The following TEAD4 variants were observed in gnomAD, a reference collection of about 807,000 sequenced individuals.
TEAD4 encodes the protein transcriptional enhancer factor TEF-3.
TEAD4 carries 36 observed loss-of-function variants against 52.4 expected under a neutral mutation model. The observed-to-expected ratio is 0.69, with a 90% confidence interval of 0.53 to 0.91. The LOEUF is 0.91. Ranked by LOEUF, TEAD4 falls within the 40% of genes least tolerant of loss-of-function variation. TEAD4 has a pLI of 0.00. For missense variants in TEAD4, 508 were observed against 583.9 expected (o/e 0.87, Z 1.34); for synonymous variants, 220 against 231.0 (o/e 0.95, Z 0.43).
intron 4 of TEAD4, among the ~76,000 whole-genome samples, chr12:3,011,798 TG>T (rs1379490747): frequency 3.3e-5 from 5 of 152,168 alleles, no homozygotes; most frequent in Non-Finnish European, 5.9e-5. Context: ...TCCGAGTAGC[TG>T]GAATTACAGG....
chr12:2,979,782 A>C (rs765767680), intron 2 of TEAD4, among the ~76,000 whole-genome samples: 1 of 152,138 alleles, frequency 6.6e-6, no homozygotes, highest in African/African-American at 2.4e-5. Context: ...CCATCTCCCA[A>C]CATTCTTGTG....
At chr12:3,036,113 G>A (rs2098279277) in intron 10 of TEAD4, among the ~76,000 whole-genome samples, 1 of 152,174 alleles carries the variant, frequency 6.6e-6, no homozygotes, top group South Asian at 2.1e-4. Context: ...TGTTTCAGAG[G>A]CTGAGCATTG....
intron 3 of TEAD4, among the ~76,000 whole-genome samples, chr12:3,008,546 G>T (rs967022668): frequency 3.3e-5 from 5 of 152,182 alleles, no homozygotes; most frequent in Non-Finnish European, 7.3e-5. Flanking sequence ...GTTGAGCATA[G>T]ACTTGGAGCA....
At chr12:2,962,807 A>G (rs991768844) in intron 2 of TEAD4, among the ~76,000 whole-genome samples, 3 of 152,158 alleles carry the variant, frequency 2.0e-5, no homozygotes, top group African/African-American at 7.2e-5. Flanking sequence ...ATGCTCCTAG[A>G]GGGACAGTAA....
intron 2 of TEAD4, among the ~76,000 whole-genome samples, chr12:2,965,861 A>T (rs1284392629): frequency 6.6e-6 from 1 of 152,022 alleles, no homozygotes; most frequent in Non-Finnish European, 1.5e-5. Context: ...TTTTTAAATT[A>T]TCATTATTAT....
At chr12:2,973,852 G>C (rs2098227244) in intron 2 of TEAD4, among the ~76,000 whole-genome samples, 1 of 152,132 alleles carries the variant, frequency 6.6e-6, no homozygotes, top group African/African-American at 2.4e-5. Flanking sequence ...TCTGGAATGG[G>C]AGGCGCGGTA....
chr12:2,994,921 A>T lies in TEAD4; in HGVS notation c.155A>T (p.Gln52Leu). Residue 52 changes from glutamine (Q) to leucine (L), a missense_variant, in exon 3 of 13, where the codon CAG (glutamine) becomes CTG (leucine). Coordinates refer to ENST00000359864, the MANE Select transcript of TEAD4 (RefSeq NM_003213.4). This position sits in a 1 kb window ranked among gnomAD's most constrained non-coding sequence, Gnocchi z 4.7. ...AGCCCGGATATTGAGCAGAGTTTCCAGGAGGCCCTCGCCATCTACCCGCCC... is the reference window on the plus strand; with the variant it reads ...AGCCCGGATATTGAGCAGAGTTTCCTGGAGGCCCTCGCCATCTACCCGCCC... 1 of 1,614,182 alleles carries T rather than the reference A, an allele frequency of 6.2e-7. No individual in the cohort carries two copies. The highest frequency in any genetic ancestry group is 1.3e-5 in the African/African-American group (1 of 75,054).
In TEAD4 at chr12:3,019,099, C is replaced by G. The variant is rs746319853; in HGVS notation, c.528-16C>G. On this transcript the variant is annotated splice_polypyrimidine_tract_variant and intron_variant, in intron 7 of 12. Coordinates refer to ENST00000359864, the MANE Select transcript of TEAD4 (RefSeq NM_003213.4). ...CCTGCCCGAGGCTGACACCTCCCCT[C>G]CTCTCTCTCCCGCAGTGTGAAGCCT... The G allele has an allele frequency of 6.2e-7, 1 of 1,613,976 alleles. No homozygotes were observed. Among genetic ancestry groups the G allele is most frequent in the Non-Finnish European group, 8.5e-7 (1 of 1,179,926 alleles).
Position 2,994,778 on chromosome 12 carries a change from G to A in TEAD4, c.12G>A (p.Thr4=), listed in dbSNP as rs112824104. The change falls in exon 3 of 13, where the codon ACG becomes ACA. Residue 4 remains threonine (T), a synonymous_variant. Transcript: ENST00000359864. This position sits in a 1 kb window ranked among gnomAD's most constrained non-coding sequence, Gnocchi z 4.7. ...CTCCAAGCGGAGCCTTGGAGGGCAC[G>A]GCCGGCACCATTACCTCCAACGAGT... 91 of 1,611,310 alleles carry A rather than the reference G, an allele frequency of 5.6e-5. 2 individuals are homozygous for A. In the South Asian group the frequency reaches 8.5e-4, roughly 15 times the overall value.
intron 10 of TEAD4, among the ~76,000 whole-genome samples, chr12:3,029,152 T>G (rs2098273866): frequency 6.6e-6 from 1 of 152,030 alleles, no homozygotes; most frequent in African/African-American, 2.4e-5. Flanking sequence ...CACTGCAACC[T>G]TGAACTTGGG....
intron 2 of TEAD4, among the ~76,000 whole-genome samples, chr12:2,966,709 C>G (rs552003378): frequency 2.0e-5 from 3 of 151,628 alleles, no homozygotes; most frequent in East Asian, 1.9e-4. Flanking sequence ...CCATGCCCGG[C>G]GTATTTCTTT....
In TEAD4 at chr12:3,022,035, C is replaced by T; in HGVS notation, c.897+18C>T. The stretch of plus-strand genomic sequence containing the variant: ...AGTTCTGGGTAAGCCTGTGATAACC[C>T]CTTCTTTCCTGCCACCAGCGTGTCC... On this transcript the variant is annotated intron_variant, in intron 10 of 12. Coordinates refer to ENST00000359864, the MANE Select transcript of TEAD4 (RefSeq NM_003213.4). The T allele has an allele frequency of 1.2e-6, 2 of 1,612,758 alleles. No homozygotes were observed. Among genetic ancestry groups the T allele is most frequent in the South Asian group, 1.1e-5 (1 of 90,896 alleles).
At chr12:3,030,918 G>A (rs373246059) in intron 10 of TEAD4, among the ~76,000 whole-genome samples, 6 of 152,328 alleles carry the variant, frequency 3.9e-5, no homozygotes, top group African/African-American at 1.2e-4. Context: ...AGGGCAGGAC[G>A]TGGCCAGGGT....
At chr12:3,020,076 C>T (rs1479706076) in intron 8 of TEAD4, among the ~76,000 whole-genome samples, 1 of 152,176 alleles carries the variant, frequency 6.6e-6, no homozygotes, top group Non-Finnish European at 1.5e-5. Context: ...GCCTTCCTGG[C>T]CCCCTGGTGC....
At chr12:2,972,580 A>G (rs1375301753) in intron 2 of TEAD4, among the ~76,000 whole-genome samples, 16 of 132,838 alleles carry the variant, frequency 1.2e-4, no homozygotes, top group African/African-American at 3.8e-4. Context: ...GCTCACTGCA[A>G]CCTCCGCCTC....
chr12:2,985,178 G>A (rs916770304), intron 2 of TEAD4, among the ~76,000 whole-genome samples: 2 of 151,676 alleles, frequency 1.3e-5, no homozygotes, highest in African/African-American at 2.4e-5. Context: ...AGGTCAGGAG[G>A]TCGAGACCAT....
intron 3 of TEAD4, among the ~76,000 whole-genome samples, chr12:3,009,152 G>A (rs2098258210): frequency 6.6e-6 from 1 of 152,282 alleles, no homozygotes; most frequent in African/African-American, 2.4e-5. Flanking sequence ...GCTGGGCTGG[G>A]TGCAGTGGCT....
chr12:2,961,326 A>G (rs1275862595), intron 2 of TEAD4, among the ~76,000 whole-genome samples: 1 of 151,904 alleles, frequency 6.6e-6, no homozygotes, highest in Non-Finnish European at 1.5e-5. Flanking sequence ...AAGAGGAATG[A>G]GTAGCTTGTT....
intron 10 of TEAD4, among the ~76,000 whole-genome samples, chr12:3,028,260 C>T (rs1408483711): frequency 6.6e-6 from 1 of 152,182 alleles, no homozygotes; most frequent in East Asian, 1.9e-4. Context: ...AGGAGTAGTG[C>T]TACTGTGAAC....
Sources: gnomAD v4.1 joint callset for allele counts (sites outside exome capture counted in the v4.1 genomes callset) on GRCh38, gnomAD v4.1.1 for gene constraint, Gnocchi (gnomAD v3.1) non-coding constraint, MANE v1.5 for transcripts, NCBI Gene and HGNC (gene_info 2026-07-23, HGNC 2026-07-21) for gene names.